The following RGS6 variants were observed in gnomAD, a reference collection of about 807,000 sequenced individuals.
RGS6 encodes the protein regulator of G-protein signaling 6.
Under a neutral mutation model 78.5 loss-of-function variants are expected in RGS6, and 30 were observed. That is an observed-to-expected ratio of 0.38 (90% confidence interval 0.29 to 0.52). The LOEUF (loss-of-function observed/expected upper bound fraction) is 0.52, where lower values mean the gene tolerates loss of function less well. RGS6 is among the 20% of genes least tolerant of loss of function. The pLI is 0.85. For synonymous variants in RGS6, 206 were observed against 206.0 expected, an observed-to-expected ratio of 1.00 and a Z score of 0.00; for missense variants, 495 against 609.7, an observed-to-expected ratio of 0.81 and a Z score of 1.98.
intron 2 of RGS6, among the ~76,000 whole-genome samples, chr14:71,976,964 TGA>T (rs2094166535): frequency 7.8e-6 from 1 of 128,072 alleles, no homozygotes; most frequent in African/African-American, 2.8e-5. Flanking sequence ...CTAACTGGTG[TGA>T]GATGGTATCT....
intron 17 of RGS6, among the ~76,000 whole-genome samples, chr14:72,553,067 C>T (rs1464363253): frequency 6.6e-6 from 1 of 152,194 alleles, no homozygotes; most frequent in Non-Finnish European, 1.5e-5. Flanking sequence ...CAGGTGTATA[C>T]ACAGGTGCAT....
At chr14:72,588,581 C>A in the RGS6 span, among the ~76,000 whole-genome samples, 2 of 152,176 alleles carry the variant, frequency 1.3e-5, no homozygotes, top group African/African-American at 4.8e-5. Context: ...CCCCTTCCCC[C>A]TTCTGAGTAA....
At chr14:72,158,069 A>G (rs2096798270) in intron 2 of RGS6, among the ~76,000 whole-genome samples, 1 of 152,132 alleles carries the variant, frequency 6.6e-6, no homozygotes, top group Non-Finnish European at 1.5e-5. Context: ...TGACCAGTGT[A>G]TCAGTTTGCG....
At chr14:72,081,974 T>C (rs1408365011) in intron 2 of RGS6, among the ~76,000 whole-genome samples, 1 of 152,144 alleles carries the variant, frequency 6.6e-6, no homozygotes, top group African/African-American at 2.4e-5. Flanking sequence ...TTTTAGATCT[T>C]TTTTTAACAG....
intron 14 of RGS6, among the ~76,000 whole-genome samples, chr14:72,513,401 G>A (rs993945230): frequency 6.6e-6 from 1 of 152,324 alleles, no homozygotes; most frequent in Non-Finnish European, 1.5e-5. Flanking sequence ...CATCATCTCT[G>A]TGGACTGGGT....
chr14:72,315,897 C>T (rs1040952777), intron 2 of RGS6, among the ~76,000 whole-genome samples: 2 of 152,172 alleles, frequency 1.3e-5, no homozygotes, highest in African/African-American at 4.8e-5. Flanking sequence ...ACTCTTGTTC[C>T]ACCCCCACTC....
chr14:72,070,333 G>A (rs771131437), intron 2 of RGS6, among the ~76,000 whole-genome samples: 4 of 152,310 alleles, frequency 2.6e-5, no homozygotes, highest in Non-Finnish European at 5.9e-5. Context: ...ATTACCAACT[G>A]TGACTCTTCA....
At chr14:72,317,599 T>G (rs1260365593) in intron 2 of RGS6, among the ~76,000 whole-genome samples, 1 of 152,184 alleles carries the variant, frequency 6.6e-6, no homozygotes, top group Non-Finnish European at 1.5e-5. Flanking sequence ...TTGTTGTTGT[T>G]TCTTTTTCCC....
intron 2 of RGS6, among the ~76,000 whole-genome samples, chr14:72,289,769 A>G (rs1217602686): frequency 6.6e-6 from 1 of 152,232 alleles, no homozygotes; most frequent in African/African-American, 2.4e-5. Context: ...CAGTTCTCAC[A>G]TACTTACAAA....
At chr14:71,951,068 A>G (rs1398346037) in intron 1 of RGS6, among the ~76,000 whole-genome samples, 1 of 152,182 alleles carries the variant, frequency 6.6e-6, no homozygotes, top group Non-Finnish European at 1.5e-5. Context: ...TATCAACCTA[A>G]AGGAATATAA....
At chr14:72,545,070 G>T (rs1228105199) in intron 17 of RGS6, among the ~76,000 whole-genome samples, 1 of 152,244 alleles carries the variant, frequency 6.6e-6, no homozygotes, top group Non-Finnish European at 1.5e-5. Context: ...CCTAGACTCA[G>T]CAGAATCCCC....
At position 72,394,090 on chromosome 14, in the gene RGS6, A is replaced by T. The variant is rs149132622; in HGVS notation, c.184+41896A>T. Among the ~76,000 whole-genome samples the T allele has an allele frequency of 7.2e-5, 11 of 152,270 alleles. No homozygotes were observed. The East Asian group carries it at 7.7e-4, about 11-fold the overall frequency. On this transcript the variant is annotated intron_variant, in intron 3 of 17. Transcript: ENST00000553525. ...CAGTCTGTCCTCAGAGCTATCATTT[A>T]TCAGGGGAACCCACCCCTGATAATT...
chr14:71,891,274 C>T, the RGS6 span, among the ~76,000 whole-genome samples: 4 of 152,322 alleles, frequency 2.6e-5, no homozygotes, highest in South Asian at 8.3e-4. Context: ...GGGTGGTTCT[C>T]ACTGGGTGCC....
the RGS6 span, among the ~76,000 whole-genome samples, chr14:71,893,797 C>A: frequency 6.6e-6 from 1 of 151,978 alleles, no homozygotes; most frequent in African/African-American, 2.4e-5. Context: ...CCCTTTAAGT[C>A]AAAAAGTGAA....
intron 2 of RGS6, among the ~76,000 whole-genome samples, chr14:72,130,647 G>A (rs1287315046): frequency 6.6e-6 from 1 of 152,128 alleles, no homozygotes; most frequent in Non-Finnish European, 1.5e-5. Flanking sequence ...TCTATCACAG[G>A]GTTGATGACA....
chr14:72,278,003 A>G lies in RGS6; in HGVS notation c.85-74092A>G, dbSNP rs556920177. ...CCCTAATATCCTAGCTATGTGGCCC[A>G]AGTACTTATTTAGCCCAGTCCATGA... On this transcript the variant is annotated intron_variant, in intron 2 of 17. Transcript: ENST00000553525. Among the ~76,000 whole-genome samples the G allele has an allele frequency of 7.2e-5, 11 of 152,248 alleles. No individual in the cohort carries two copies. In the East Asian group the frequency reaches 1.5e-3, roughly 21 times the overall value.
chr14:72,527,018 C>T lies in RGS6; in HGVS notation c.1278+8481C>T, dbSNP rs142437679. 3.9e-3 allele frequency among the ~76,000 whole-genome samples: 592 copies of T among 152,316 alleles called. 3 individuals are homozygous for T. The highest frequency in any genetic ancestry group is 0.013 in the African/African-American group (561 of 41,562). On this transcript the variant is annotated intron_variant, in intron 15 of 17. Coordinates refer to ENST00000553525, the MANE Select transcript of RGS6 (RefSeq NM_001204424.2). Reference sequence around the variant, plus strand: ...ATACAGACTTATGACTTCCTAAGGGCCCATCAGCCCTCAACGCTTTACCAG... The same window carrying T: ...ATACAGACTTATGACTTCCTAAGGGTCCATCAGCCCTCAACGCTTTACCAG...
intron 2 of RGS6, among the ~76,000 whole-genome samples, chr14:72,236,380 G>T (rs1000883033): frequency 6.6e-6 from 1 of 151,994 alleles, no homozygotes; most frequent in Non-Finnish European, 1.5e-5. Flanking sequence ...TTATTAACTC[G>T]AGTTAAATAT....
rs115154479 is a variant in RGS6 at position 72,274,048 on chromosome 14, C to T, written c.85-78047C>T. 3.2e-3 allele frequency among the ~76,000 whole-genome samples: 487 copies of T among 152,220 alleles called. 1 individual carries two copies. The highest frequency in any genetic ancestry group is 0.011 in the African/African-American group (454 of 41,524). ...AAACAGTGCTAATTCCAGGCTAGGA[C>T]GGTCCACAGAGATGGTGGCTGTGCC... is the stretch of plus-strand genomic sequence containing the variant. On this transcript the variant is annotated intron_variant, in intron 2 of 17. Transcript: ENST00000553525.
Sources: gnomAD v4.1 joint callset for allele counts (sites outside exome capture counted in the v4.1 genomes callset) on GRCh38, gnomAD v4.1.1 for gene constraint, MANE v1.5 for transcripts, NCBI Gene and HGNC (gene_info 2026-07-23, HGNC 2026-07-21) for gene names.